Variants in WWP1 observed in about 807,000 individuals in gnomAD.
The protein encoded by WWP1 is WW domain containing E3 ubiquitin protein ligase 1.
Under a neutral mutation model 130.6 loss-of-function variants are expected in WWP1, and 49 were observed. The observed-to-expected ratio is 0.38, with a 90% CI of 0.30 to 0.48. WWP1 has a LOEUF of 0.48. Ranked by LOEUF, WWP1 falls within the 20% of genes least tolerant of loss-of-function variation. WWP1 has a pLI of 0.99. For missense variants in WWP1, 809 were observed against 1,100.6 expected, an observed-to-expected ratio of 0.74 and a Z score of 3.75; for synonymous variants, 332 against 367.8, an observed-to-expected ratio of 0.90 and a Z score of 1.11.
chr8:86,402,530 G>A (rs1462612506), intron 8 of WWP1, among the ~76,000 whole-genome samples: 1 of 152,162 alleles, frequency 6.6e-6, no homozygotes. Flanking sequence ...GACCTCAAGT[G>A]ATCTGCCCAC....
chr8:86,372,313 C>T (rs1053972670), intron 2 of WWP1, among the ~76,000 whole-genome samples: 10 of 152,202 alleles, frequency 6.6e-5, no homozygotes, highest in African/African-American at 1.4e-4. Flanking sequence ...TGAGCCACCG[C>T]GCCCGGCCTA....
Position 86,342,938 on chromosome 8 carries a change from C to T in WWP1, c.-115+8C>T. 1.3e-5 allele frequency: 2 copies of T among 157,606 alleles called. No homozygotes were observed. Among genetic ancestry groups the T allele is most frequent in the Non-Finnish European group, 2.5e-5 (2 of 79,146 alleles). 9.8% of individuals were successfully genotyped at this position (157,606 alleles called of 1,614,324 possible). On this transcript the variant is annotated splice_region_variant and intron_variant, in intron 1 of 24. Transcript: ENST00000517970. ...CCGACAGCTTCGCGCCGGGTAAGGA[C>T]GGCGCGGCGCGGGGCTGGGGGTGCG... is the stretch of plus-strand genomic sequence containing the variant.
rs145575404 is a variant in WWP1 at position 86,463,784 on chromosome 8, G to GGC, written c.2669+1939_2669+1940dup. Among the ~76,000 whole-genome samples the GGC allele has an allele frequency of 6.8e-3, 1,034 of 152,230 alleles. 8 individuals carry two copies. Among genetic ancestry groups the GGC allele is most frequent in the Non-Finnish European group, 0.012 (793 of 68,014 alleles). ...TATTTTCAAAGTGCAAGACAGGCCAGGCACGGTGGCTCACACCTGTAATCC... is the reference window on the plus strand; with the variant it reads ...TATTTTCAAAGTGCAAGACAGGCCAGGCGCACGGTGGCTCACACCTGTAATCC... On this transcript the variant is annotated intron_variant, in intron 24 of 24. Coordinates refer to ENST00000517970, the MANE Select transcript of WWP1 (RefSeq NM_007013.4).
In WWP1 at chr8:86,342,947, G is replaced by T. The variant is rs1822302050; in HGVS notation, c.-115+17G>T. 3.0e-6 allele frequency: 1 copy of T among 337,230 alleles called. No homozygotes were observed. The highest frequency in any genetic ancestry group is 5.4e-6 in the Non-Finnish European group (1 of 186,528). 20.9% of individuals were successfully genotyped at this position (337,230 alleles called of 1,614,324 possible). ...TCGCGCCGGGTAAGGACGGCGCGGCGCGGGGCTGGGGGTGCGAATGGGCAG... is the reference window on the plus strand; with the variant it reads ...TCGCGCCGGGTAAGGACGGCGCGGCTCGGGGCTGGGGGTGCGAATGGGCAG... On this transcript the variant is annotated intron_variant, in intron 1 of 24. Transcript: ENST00000517970.
At chr8:86,412,892 G>A (rs564303010) in intron 9 of WWP1, among the ~76,000 whole-genome samples, 6 of 152,150 alleles carry the variant, frequency 3.9e-5, no homozygotes, top group East Asian at 3.9e-4. Flanking sequence ...GCAATGGCAC[G>A]ATCTTGGCTC....
chr8:86,372,789 T>G (rs1161967184), intron 2 of WWP1, among the ~76,000 whole-genome samples: 2 of 152,184 alleles, frequency 1.3e-5, no homozygotes, highest in Non-Finnish European at 2.9e-5. Context: ...TTCGTTAGTC[T>G]TATCAGACAT....
chr8:86,431,931 T>C (rs1466315206), intron 14 of WWP1, among the ~76,000 whole-genome samples, 188 bp downstream of exon 14: 1 of 152,258 alleles, frequency 6.6e-6, no homozygotes, highest in Admixed American at 6.5e-5. Context: ...AAACTATTTA[T>C]GTAGTGATTA....
chr8:86,448,172 G>A lies in WWP1; in HGVS notation c.2023G>A (p.Asp675Asn), dbSNP rs1433837234. 5.8e-6 allele frequency: 9 copies of A among 1,553,000 alleles called. No individual in the cohort carries two copies. Among genetic ancestry groups the A allele is most frequent in the East Asian group, 2.4e-5 (1 of 42,118 alleles). ...GGCACTATTTCATGGAAAGTTTATC[G>A]ATACTGGTTTCTCTTTACCATTCTA... ...AMALFHGKFI[D>N]TGFSLPFYKR... The change falls in exon 19 of 25, where the codon GAT (aspartate) becomes AAT (asparagine). Residue 675 changes from aspartate (D) to asparagine (N), a missense_variant. Physicochemically the swap from Asp to Asn is conservative, Grantham distance 23. Coordinates refer to ENST00000517970, the MANE Select transcript of WWP1 (RefSeq NM_007013.4).
chr8:86,402,248 T>A, intron 8 of WWP1, 45 bp downstream of exon 8: 1 of 1,589,388 alleles, frequency 6.3e-7, no homozygotes, highest in Non-Finnish European at 8.6e-7. Flanking sequence ...GAAAAGTAAA[T>A]GAAGTTTATG....
chr8:86,454,729 C>T (rs1219042922), intron 21 of WWP1, among the ~76,000 whole-genome samples: 3 of 151,944 alleles, frequency 2.0e-5, no homozygotes, highest in Non-Finnish European at 4.4e-5. Flanking sequence ...GATCAAGAAG[C>T]ATAAGAATAG....
chr8:86,356,655 C>G (rs1229403374), intron 1 of WWP1, among the ~76,000 whole-genome samples: 1 of 151,954 alleles, frequency 6.6e-6, no homozygotes, highest in Non-Finnish European at 1.5e-5. Context: ...TTTTAAAGGT[C>G]CATAGCTGCT....
chr8:86,443,956 G>C (rs1220361347), intron 18 of WWP1, among the ~76,000 whole-genome samples: 1 of 152,204 alleles, frequency 6.6e-6, no homozygotes, highest in Non-Finnish European at 1.5e-5. Context: ...TCACATAAGA[G>C]TTGAGTAGGG....
Position 86,467,064 on chromosome 8 carries a change from T to G in WWP1, c.*171T>G, listed in dbSNP as rs1362377549. On this transcript the variant is annotated 3_prime_UTR_variant, in exon 25 of 25. Coordinates refer to ENST00000517970, the MANE Select transcript of WWP1 (RefSeq NM_007013.4). ...TGCAAAACAGTTCATCCTTTTCTAC[T>G]TTATTTATTGTTCCCTTGAAATGAC... is the stretch of plus-strand genomic sequence containing the variant. 1 of 528,728 alleles carries G rather than the reference T, an allele frequency of 1.9e-6. No individual in the cohort carries two copies. Among genetic ancestry groups the G allele is most frequent in the African/African-American group, 2.0e-5 (1 of 50,054 alleles). 32.8% of individuals were successfully genotyped at this position (528,728 alleles called of 1,614,324 possible). A position where few individuals can be genotyped will look rare whatever the true frequency, so the allele number is the denominator to read the frequency against.
rs1164641723 is a variant in WWP1, at chr8:86,352,984, T to TA, written c.-115+10057dup. Reference sequence around the variant, plus strand: ...TAAGCTAGAAGTTATGATTCATTATTAAATAGTCTGATTGCTTTTCACTTA... The same window carrying TA: ...TAAGCTAGAAGTTATGATTCATTATTAAAATAGTCTGATTGCTTTTCACTTA... On this transcript the variant is annotated intron_variant, in intron 1 of 24. Transcript: ENST00000517970. Among the ~76,000 whole-genome samples, 5 of 152,178 alleles carry TA rather than the reference T, an allele frequency of 3.3e-5. No homozygotes were observed. The East Asian group carries it at 7.7e-4, about 23-fold the overall frequency.
At chr8:86,395,545 A>G (rs948061988) in intron 5 of WWP1, among the ~76,000 whole-genome samples, 1 of 152,174 alleles carries the variant, frequency 6.6e-6, no homozygotes, top group African/African-American at 2.4e-5. Flanking sequence ...TGACTAGGTC[A>G]GGGTTAAACC....
chr8:86,434,588 A>G (rs1369916879), intron 14 of WWP1, among the ~76,000 whole-genome samples: 1 of 151,984 alleles, frequency 6.6e-6, no homozygotes, highest in African/African-American at 2.4e-5. Context: ...TGCCTTTTTT[A>G]TTGTTTTATT....
intron 1 of WWP1, among the ~76,000 whole-genome samples, chr8:86,347,364 T>C (rs1477612516): frequency 1.3e-5 from 2 of 151,640 alleles, no homozygotes; most frequent in East Asian, 3.8e-4. Flanking sequence ...TGTGGCTAGT[T>C]AGTGGCCACA....
At chr8:86,448,798 A>G (rs1015188804) in intron 20 of WWP1, among the ~76,000 whole-genome samples, 3 of 152,092 alleles carry the variant, frequency 2.0e-5, no homozygotes, top group Admixed American at 1.3e-4. Flanking sequence ...CTTGAATTCC[A>G]TGATCCTATG....
chr8:86,402,679 T>C (rs971840184), intron 8 of WWP1, among the ~76,000 whole-genome samples: 2 of 152,210 alleles, frequency 1.3e-5, no homozygotes, highest in African/African-American at 4.8e-5. Flanking sequence ...TGTAACTTTC[T>C]GGATTATTTA....
Sources: gnomAD v4.1 joint callset for allele counts (sites outside exome capture counted in the v4.1 genomes callset) on GRCh38, gnomAD v4.1.1 for gene constraint, MANE v1.5 for transcripts, NCBI Gene and HGNC (gene_info 2026-07-23, HGNC 2026-07-21) for gene names.